The following DMD variants were observed in gnomAD, a reference collection of about 807,000 sequenced individuals.
DMD encodes mutant dystrophin.
Under a neutral mutation model 330.1 loss-of-function variants are expected in DMD, and 63 were observed. The ratio of observed to expected loss-of-function variants is 0.19; its 90% CI spans 0.16 to 0.24. The LOEUF (loss-of-function observed/expected upper bound fraction) is 0.24. Ranked by LOEUF, DMD falls within the 10% of genes least tolerant of loss-of-function variation. DMD has a pLI of 1.00. For synonymous variants in DMD, 1,223 were observed against 959.8 expected (o/e 1.27, Z -5.07); for missense variants, 3,344 against 2,684.1 (o/e 1.25, Z -5.43).
intron 1 of DMD, among the ~76,000 whole-genome samples, chrX:33,318,245 T>C (rs758346084): frequency 4.5e-5 from 5 of 110,694 alleles, no homozygotes; most frequent in Admixed American, 2.9e-4. Flanking sequence ...TAAACAGATA[T>C]ATATATGATT....
At chrX:32,650,702 T>C (rs1343977702) in intron 9 of DMD, among the ~76,000 whole-genome samples, 3 of 112,117 alleles carry the variant, frequency 2.7e-5, no homozygotes, top group African/African-American at 9.7e-5. Flanking sequence ...ATTAAATAGG[T>C]AATTTTTAAT....
At chrX:32,109,816 C>T (rs2096581300) in intron 44 of DMD, among the ~76,000 whole-genome samples, 2 of 111,404 alleles carry the variant, frequency 1.8e-5, no homozygotes, top group African/African-American at 6.5e-5. Flanking sequence ...GATAGTCCTG[C>T]CCTCTGCATA....
At chrX:31,250,053 A>T (rs922393785) in intron 63 of DMD, among the ~76,000 whole-genome samples, 6 of 110,465 alleles carry the variant, frequency 5.4e-5, no homozygotes, top group Admixed American at 1.9e-4. Flanking sequence ...TCCAGCCTCA[A>T]AGTCAATGAA....
chrX:33,246,718 C>T (rs1421652703), intron 1 of DMD, among the ~76,000 whole-genome samples: 1 of 110,992 alleles, frequency 9.0e-6, no homozygotes, highest in Non-Finnish European at 1.9e-5. Context: ...TGGAATCTCG[C>T]TCTGTTGCCC....
chrX:32,313,618 T>C (rs1480566637), intron 41 of DMD, among the ~76,000 whole-genome samples: 1 of 111,453 alleles, frequency 9.0e-6, no homozygotes, highest in East Asian at 2.8e-4. Context: ...ATTATCTCTG[T>C]TTGCAGATGA....
intron 17 of DMD, among the ~76,000 whole-genome samples, chrX:32,539,132 C>G (rs1250720067): frequency 1.9e-5 from 2 of 106,226 alleles, no homozygotes; most frequent in Non-Finnish European, 3.9e-5. Flanking sequence ...AGATGGTTAT[C>G]TTTTTGAGGA....
intron 44 of DMD, among the ~76,000 whole-genome samples, chrX:32,041,587 T>A (rs887223319): frequency 5.4e-5 from 6 of 111,943 alleles, no homozygotes; most frequent in Admixed American, 2.9e-4. Context: ...TGATACTTCC[T>A]CAGTTTTTGT....
chrX:32,012,938 A>G (rs1324955374), intron 44 of DMD, among the ~76,000 whole-genome samples: 1 of 110,676 alleles, frequency 9.0e-6, no homozygotes, highest in Non-Finnish European at 1.9e-5. Context: ...CTTCATATAT[A>G]TACTGAATAT....
rs764127932 is a variant in DMD at position 31,729,633 on chromosome X, C to T, written c.7658G>A (p.Arg2553Gln). The T allele has an allele frequency of 7.8e-5, 94 of 1,204,691 alleles. No homozygotes were observed. Among genetic ancestry groups the T allele is most frequent in the Non-Finnish European group, 9.3e-5 (83 of 890,610 alleles). Reference protein sequence around the residue: ...NQEARTIITDRIERIQNQWDE... With the variant: ...NQEARTIITDQIERIQNQWDE... ...CCCATGCTTGTTAAAAAACTTACTT[C>T]GATCCGTAATGATTGTTCTAGCCTC... Residue 2553 changes from arginine (R) to glutamine (Q), a missense_variant and splice_region_variant, in exon 52 of 79, where the codon CGA (arginine) becomes CAA (glutamine). Arg to Gln is a conservative substitution (Grantham distance 43). Transcript: ENST00000357033.
intron 11 of DMD, among the ~76,000 whole-genome samples, chrX:32,627,763 G>A (rs1262541338): frequency 9.0e-6 from 1 of 110,877 alleles, no homozygotes; most frequent in East Asian, 2.8e-4. Flanking sequence ...TTCATTTGGT[G>A]GAATTTTATA....
At chrX:31,877,383 C>T (rs145261230) in intron 47 of DMD, among the ~76,000 whole-genome samples, 1,774 of 110,694 alleles carry the variant, frequency 0.016, 29 homozygotes, top group African/African-American at 0.056. Flanking sequence ...TGCACCTCAT[C>T]GCAGGAGCTG....
chrX:31,372,204 C>T (rs1203863770), intron 60 of DMD, among the ~76,000 whole-genome samples: 4 of 111,397 alleles, frequency 3.6e-5, no homozygotes, highest in Non-Finnish European at 7.5e-5. Context: ...AGGAGTTTTG[C>T]GAAATTAAAC....
chrX:31,247,718 C>T (rs2048974272), intron 63 of DMD, among the ~76,000 whole-genome samples: 1 of 111,240 alleles, frequency 9.0e-6, no homozygotes. Context: ...ACGTTGATTC[C>T]AACCCTCATG....
rs1372817956 is a variant in DMD at position 32,445,158 on chromosome X, TAGG to T, written c.3786+3295_3786+3297del. Among the ~76,000 whole-genome samples, 3 of 111,443 alleles carry T rather than the reference TAGG, an allele frequency of 2.7e-5. No individual in the cohort carries two copies. The South Asian group carries it at 1.1e-3, about 41-fold the overall frequency. On this transcript the variant is annotated intron_variant, in intron 27 of 78. Transcript: ENST00000357033. ...AACACTACGAGGTACTATAAAAGCC[TAGG>T]AGATCTTTTTTGGGGGGTTCAAAGC...
chrX:31,344,684 A>G (rs1284697336), intron 61 of DMD, among the ~76,000 whole-genome samples: 1 of 110,613 alleles, frequency 9.0e-6, no homozygotes, highest in African/African-American at 3.3e-5. Flanking sequence ...CCCCGTCTCT[A>G]CTAAAAATAC....
chrX:32,474,038 C>T (rs1291871034), intron 21 of DMD, among the ~76,000 whole-genome samples: 1 of 110,686 alleles, frequency 9.0e-6, no homozygotes, highest in South Asian at 3.8e-4. Context: ...CCTGTGTGTC[C>T]TCATAGATTA....
At chrX:32,726,239 C>G (rs998812177) in intron 7 of DMD, among the ~76,000 whole-genome samples, 1 of 110,910 alleles carries the variant, frequency 9.0e-6, no homozygotes, top group Non-Finnish European at 1.9e-5. Context: ...ATTATTAGTT[C>G]GATAGATAAG....
intron 17 of DMD, among the ~76,000 whole-genome samples, chrX:32,525,258 C>G (rs1464714289): frequency 8.9e-6 from 1 of 112,036 alleles, no homozygotes; most frequent in African/African-American, 3.2e-5. Flanking sequence ...TGCAGTCAGC[C>G]TACACTCTAA....
chrX:32,487,521 C>CA (rs1230858064), intron 20 of DMD, among the ~76,000 whole-genome samples: 5 of 107,819 alleles, frequency 4.6e-5, no homozygotes, highest in Admixed American at 9.9e-5. Context: ...AGTGAAAAGG[C>CA]AAAAAAAAAG....
Sources: gnomAD v4.1 joint callset for allele counts (sites outside exome capture counted in the v4.1 genomes callset) on GRCh38, gnomAD v4.1.1 for gene constraint, MANE v1.5 for transcripts, NCBI Gene and HGNC (gene_info 2026-07-23, HGNC 2026-07-21) for gene names.